FRMD4B: variants seen among roughly 807,000 people sequenced by gnomAD.
FRMD4B encodes FERM domain-containing protein 4B.
A neutral mutation model predicts 141.5 loss-of-function variants in FRMD4B; 74 were observed. The observed-to-expected ratio is 0.52, with a 90% confidence interval of 0.43 to 0.63. The LOEUF is 0.63. Ranked by LOEUF, FRMD4B falls within the 30% of genes least tolerant of loss-of-function variation. FRMD4B has a pLI of 0.00. For synonymous variants in FRMD4B, 506 were observed against 467.9 expected, an observed-to-expected ratio of 1.08 and a Z score of -1.05; for missense variants, 1,366 against 1,253.4, an observed-to-expected ratio of 1.09 and a Z score of -1.36.
chr3:69,171,946 T>G lies in FRMD4B; in HGVS notation c.3020A>C (p.Asp1007Ala). ...YTEISQLDGT[D>A]GNQLEDNLES... ...CAGGTTGTCTTCCAGCTGGTTTCCA[T>G]CTGTACCATCCAGTTGACTGATTTC... Residue 1007 changes from aspartate to alanine, a missense_variant, in exon 23 of 23, where the codon GAT (aspartate) becomes GCT (alanine). Coordinates refer to ENST00000398540, the MANE Select transcript of FRMD4B (RefSeq NM_015123.3). 1 of 1,612,278 alleles carries G rather than the reference T, an allele frequency of 6.2e-7. No individual in the cohort carries two copies. The highest frequency in any genetic ancestry group is 8.5e-7 in the Non-Finnish European group (1 of 1,178,302).
intron 1 of FRMD4B, among the ~76,000 whole-genome samples, chr3:69,522,270 T>A (rs1489214520): frequency 1.3e-5 from 2 of 151,854 alleles, no homozygotes; most frequent in African/African-American, 4.8e-5. Context: ...AGGAGAGAAA[T>A]TTTGATTCAT....
intron 5 of FRMD4B, among the ~76,000 whole-genome samples, chr3:69,283,112 T>G (rs4615082): frequency 0.95 from 144,149 of 151,982 alleles, 68,855 homozygotes; most frequent in South Asian, 1. Context: ...GGCCAGGCGC[T>G]GTGGCTCACA....
intron 1 of FRMD4B, among the ~76,000 whole-genome samples, chr3:69,378,972 G>C (rs1402413835): frequency 2.0e-5 from 3 of 151,986 alleles, no homozygotes; most frequent in Non-Finnish European, 4.4e-5. Context: ...TTCCTGTCTG[G>C]TTTAGACTCC....
chr3:69,453,679 G>T (rs1271271067), intron 1 of FRMD4B, among the ~76,000 whole-genome samples: 2 of 152,230 alleles, frequency 1.3e-5, no homozygotes, highest in Non-Finnish European at 2.9e-5. Flanking sequence ...CACATGGCCT[G>T]GCTGGGGTGC....
intron 19 of FRMD4B, among the ~76,000 whole-genome samples, chr3:69,186,826 G>C (rs2092773093): frequency 6.6e-6 from 1 of 152,150 alleles, no homozygotes; most frequent in African/African-American, 2.4e-5. Context: ...GGTGTGAGCT[G>C]CCGCACTCAG....
chr3:69,388,523 A>G (rs1704317026), upstream of FRMD4B, among the ~76,000 whole-genome samples: 1 of 152,092 alleles, frequency 6.6e-6, no homozygotes, highest in South Asian at 2.1e-4. Flanking sequence ...GAGAACTACA[A>G]TAGTGATAGT....
intron 1 of FRMD4B, among the ~76,000 whole-genome samples, chr3:69,331,387 T>C (rs1702366434): frequency 6.6e-6 from 1 of 152,218 alleles, no homozygotes; most frequent in Non-Finnish European, 1.5e-5. Flanking sequence ...ACAGGTATGA[T>C]ATCTGATGCT....
intron 7 of FRMD4B, among the ~76,000 whole-genome samples, chr3:69,231,727 G>A (rs1339075160): frequency 1.3e-5 from 2 of 152,256 alleles, no homozygotes; most frequent in Admixed American, 1.3e-4. Flanking sequence ...CAAGATCACT[G>A]CCCTGTTATG....
intron 1 of FRMD4B, among the ~76,000 whole-genome samples, chr3:69,531,446 A>G (rs1383710912): frequency 6.6e-6 from 1 of 152,248 alleles, no homozygotes; most frequent in Non-Finnish European, 1.5e-5. Context: ...AGAAAGTTTA[A>G]GCAAAGAATA....
intron 2 of FRMD4B, among the ~76,000 whole-genome samples, chr3:69,413,043 C>A (rs1196399815): frequency 6.6e-6 from 1 of 151,822 alleles, no homozygotes; most frequent in African/African-American, 2.4e-5. Flanking sequence ...ACCTCTATTG[C>A]AGTAATTCCA....
intron 1 of FRMD4B, among the ~76,000 whole-genome samples, chr3:69,485,984 A>G (rs1706208696): frequency 6.6e-6 from 1 of 152,242 alleles, no homozygotes; most frequent in African/African-American, 2.4e-5. Context: ...GAATATTATA[A>G]TTACAGATGA....
chr3:69,363,264 T>TTTTTTTTA lies in FRMD4B; in HGVS notation c.162+22563_162+22564insTAAAAAAA, dbSNP rs1553730501. Among the ~76,000 whole-genome samples the TTTTTTTTA allele has an allele frequency of 5.8e-3, 870 of 150,584 alleles. 10 individuals are homozygous for TTTTTTTTA. The highest frequency in any genetic ancestry group is 0.02 in the African/African-American group (822 of 40,758). ...TTTTACCATGTTTTTTTTTTTTTTT[T>TTTTTTTTA]AAATAGAGATGGGTCTTGCCATGTT... On this transcript the variant is annotated intron_variant, in intron 1 of 22. Coordinates refer to ENST00000398540, the MANE Select transcript of FRMD4B (RefSeq NM_015123.3).
chr3:69,369,429 G>T (rs1364641261), intron 1 of FRMD4B, among the ~76,000 whole-genome samples: 5 of 152,240 alleles, frequency 3.3e-5, no homozygotes, highest in Middle Eastern at 3.4e-3. Context: ...AGATAAAAGT[G>T]TGGTGAATTT....
intron 11 of FRMD4B, among the ~76,000 whole-genome samples, chr3:69,206,432 A>G (rs2093025120): frequency 6.6e-6 from 1 of 152,220 alleles, no homozygotes; most frequent in South Asian, 2.1e-4. Flanking sequence ...AAAAGTTTAG[A>G]CAAAGAAGTT....
At chr3:69,196,230 A>T (rs754822326) in intron 14 of FRMD4B, 25 bp downstream of exon 14, 3 of 1,543,402 alleles carry the variant, frequency 1.9e-6, no homozygotes, top group East Asian at 2.4e-5. Flanking sequence ...GATGGCTTGC[A>T]CGTTCTCTAA....
intron 5 of FRMD4B, among the ~76,000 whole-genome samples, chr3:69,253,818 G>C (rs1297666028): frequency 6.6e-6 from 1 of 152,116 alleles, no homozygotes; most frequent in Non-Finnish European, 1.5e-5. Flanking sequence ...TCTGGCTCAG[G>C]GGCTCACACC....
chr3:69,175,923 A>G (rs4450819), intron 22 of FRMD4B, among the ~76,000 whole-genome samples: 14,664 of 151,666 alleles, frequency 0.097, 1,713 homozygotes, highest in East Asian at 0.39. Flanking sequence ...TGGGACTACA[A>G]GCGCCCGCCA....
chr3:69,354,875 A>C (rs1703267132), intron 1 of FRMD4B, among the ~76,000 whole-genome samples: 1 of 152,222 alleles, frequency 6.6e-6, no homozygotes, highest in African/African-American at 2.4e-5. Context: ...TCACTTGATG[A>C]TATCAGTAGA....
chr3:69,185,816 C>G (rs949053773), intron 19 of FRMD4B, among the ~76,000 whole-genome samples: 1 of 151,980 alleles, frequency 6.6e-6, no homozygotes, highest in Non-Finnish European at 1.5e-5. Flanking sequence ...CCGAAGTGGG[C>G]GGATCACCTG....
Sources: gnomAD v4.1 joint callset for allele counts (sites outside exome capture counted in the v4.1 genomes callset) on GRCh38, gnomAD v4.1.1 for gene constraint, MANE v1.5 for transcripts, NCBI Gene and HGNC (gene_info 2026-07-23, HGNC 2026-07-21) for gene names.